The following GRM8 variants were observed in gnomAD, a reference collection of about 807,000 sequenced individuals.
GRM8 encodes the protein metabotropic glutamate receptor 8.
Under a neutral mutation model 87.2 loss-of-function variants are expected in GRM8, and 47 were observed. The ratio of observed to expected loss-of-function variants is 0.54; its 90% CI spans 0.43 to 0.69. The LOEUF (loss-of-function observed/expected upper bound fraction) is 0.69, where lower values mean the gene tolerates loss of function less well. Among genes scored for constraint, GRM8 ranks in the 30% least tolerant of loss-of-function variants. The pLI is 0.00. For missense variants in GRM8, 1,019 were observed against 1,139.2 expected (o/e 0.89, Z 1.52); for synonymous variants, 396 against 404.5 (o/e 0.98, Z 0.25).
At chr7:127,169,792 T>C (rs1398760886) in intron 2 of GRM8, among the ~76,000 whole-genome samples, 1 of 152,202 alleles carries the variant, frequency 6.6e-6, no homozygotes, top group Non-Finnish European at 1.5e-5. Context: ...GCTTTATAAA[T>C]GCAATAACAA....
At chr7:127,081,218 C>T (rs1007934656) in intron 3 of GRM8, among the ~76,000 whole-genome samples, 2 of 152,152 alleles carry the variant, frequency 1.3e-5, no homozygotes, top group African/African-American at 2.4e-5. Context: ...CCTGCCTCCA[C>T]CCTGAACTCC....
chr7:126,858,827 C>A lies in GRM8; in HGVS notation c.1156+43715G>T, dbSNP rs138473093. On this transcript the variant is annotated intron_variant, in intron 6 of 10. Transcript: ENST00000339582. Reference sequence around the variant, plus strand: ...ATGGATTCTAGATTCACAAATAAAGCCAATTGAGGTCTTTAAATTTGTTGT... The same window carrying A: ...ATGGATTCTAGATTCACAAATAAAGACAATTGAGGTCTTTAAATTTGTTGT... Among the ~76,000 whole-genome samples the A allele has an allele frequency of 1.0e-3, 159 of 152,308 alleles. 1 individual carries two copies. In the East Asian group the frequency reaches 0.023, roughly 22 times the overall value.
chr7:127,041,995 G>C (rs1447427898), intron 3 of GRM8, among the ~76,000 whole-genome samples: 1 of 152,176 alleles, frequency 6.6e-6, no homozygotes, highest in East Asian at 1.9e-4. Flanking sequence ...TTTCTGGTGA[G>C]AGGAGGGGGG....
chr7:127,214,281 G>A (rs1274061377), intron 2 of GRM8, among the ~76,000 whole-genome samples: 1 of 152,152 alleles, frequency 6.6e-6, no homozygotes, highest in East Asian at 1.9e-4. Context: ...TGAGATGCTG[G>A]TAATGTTCTG....
At chr7:126,714,296 T>TAAC (rs1184606482) in intron 7 of GRM8, among the ~76,000 whole-genome samples, 60 of 146,614 alleles carry the variant, frequency 4.1e-4, no homozygotes, top group African/African-American at 1.5e-3. Flanking sequence ...ATAATAATAA[T>TAAC]AATAATAATA....
chr7:127,194,540 C>T (rs867249957), intron 2 of GRM8, among the ~76,000 whole-genome samples: 4 of 152,052 alleles, frequency 2.6e-5, no homozygotes, highest in Admixed American at 6.6e-5. Flanking sequence ...AGGTACCTTG[C>T]GGATCCTAGG....
At chr7:126,627,294 T>C (rs1800803344) in intron 7 of GRM8, among the ~76,000 whole-genome samples, 1 of 152,226 alleles carries the variant, frequency 6.6e-6, no homozygotes, top group African/African-American at 2.4e-5. Flanking sequence ...GAAGGTGATG[T>C]TATTGGCAAC....
intron 8 of GRM8, among the ~76,000 whole-genome samples, chr7:126,550,101 GTTTTTTGTTTT>G (rs1188570918): frequency 1.2e-4 from 18 of 151,644 alleles, no homozygotes; most frequent in African/African-American, 4.1e-4. Flanking sequence ...GAGTGAAAAT[GTTTTTTGTTTT>G]TTTGTTTTTT....
At chr7:126,478,397 T>C (rs1806258190) in intron 9 of GRM8, among the ~76,000 whole-genome samples, 1 of 152,098 alleles carries the variant, frequency 6.6e-6, no homozygotes. Flanking sequence ...ATCAGAGACA[T>C]TACTGGCGTG....
rs544637663 is a variant in GRM8, at chr7:126,750,173, A to G, written c.1357+19692T>C. 3.3e-5 allele frequency among the ~76,000 whole-genome samples: 5 copies of G among 152,272 alleles called. No individual in the cohort carries two copies. In the South Asian group the frequency reaches 6.2e-4, roughly 19 times the overall value. On this transcript the variant is annotated intron_variant, in intron 7 of 10. Transcript: ENST00000339582. ...AATGAATGAACTACCAATAGACACA[A>G]CACAGGTAAATTTTAAAAACTTCGT...
chr7:126,770,651 C>A (rs1818741869), intron 6 of GRM8, among the ~76,000 whole-genome samples: 1 of 151,974 alleles, frequency 6.6e-6, no homozygotes, highest in South Asian at 2.1e-4. Context: ...GATGTAGATA[C>A]CTCAAAATGA....
chr7:127,076,180 A>G (rs1471605346), intron 3 of GRM8: 3 of 456,566 alleles, frequency 6.6e-6, no homozygotes, highest in South Asian at 3.1e-5. Context: ...ACAACTTGAC[A>G]TAGTATAGCA....
chr7:126,948,434 C>G (rs1359857358), intron 3 of GRM8, among the ~76,000 whole-genome samples: 1 of 147,228 alleles, frequency 6.8e-6, no homozygotes, highest in Admixed American at 6.9e-5. Context: ...ATGCTTCCAT[C>G]TAGGATGCAG....
intron 9 of GRM8, among the ~76,000 whole-genome samples, chr7:126,446,582 A>C (rs901959728): frequency 6.6e-6 from 1 of 151,994 alleles, no homozygotes; most frequent in African/African-American, 2.4e-5. Context: ...ATTGAACCCA[A>C]TTTATTAAAA....
At chr7:126,809,502 T>C (rs1044329727) in intron 6 of GRM8, among the ~76,000 whole-genome samples, 2 of 152,178 alleles carry the variant, frequency 1.3e-5, no homozygotes, top group Non-Finnish European at 2.9e-5. Context: ...CTTAAACCTA[T>C]AGATAAAAGC....
At chr7:126,740,639 G>A (rs1278097839) in intron 7 of GRM8, among the ~76,000 whole-genome samples, 1 of 152,194 alleles carries the variant, frequency 6.6e-6, no homozygotes, top group East Asian at 1.9e-4. Flanking sequence ...GTTTACCTCA[G>A]TTTCACTGCT....
chr7:126,926,045 A>G (rs1805072500), intron 3 of GRM8, among the ~76,000 whole-genome samples: 1 of 152,178 alleles, frequency 6.6e-6, no homozygotes, highest in Non-Finnish European at 1.5e-5. Flanking sequence ...TACTTTTATT[A>G]GAAATATATG....
At chr7:126,835,024 C>A (rs1435918650) in intron 6 of GRM8, among the ~76,000 whole-genome samples, 1 of 149,798 alleles carries the variant, frequency 6.7e-6, no homozygotes, top group African/African-American at 2.5e-5. Flanking sequence ...TTCAGTGAGC[C>A]ATGCTTGCAC....
chr7:127,059,331 C>CTTTTTTTTTTTTTTTTTTTT (rs10618329), intron 3 of GRM8, among the ~76,000 whole-genome samples: 6 of 130,592 alleles, frequency 4.6e-5, no homozygotes, highest in Non-Finnish European at 6.5e-5. Flanking sequence ...TTTTTTTTTG[C>CTTTTTTTTTTTTTTTTTTTT]TTTTTTTTTT....
Sources: allele counts gnomAD v4.1 joint callset (sites outside exome capture counted in the v4.1 genomes callset), GRCh38; gene constraint gnomAD v4.1.1; transcripts MANE v1.5; gene names NCBI Gene and HGNC (gene_info 2026-07-23, HGNC 2026-07-21).